Variants in NLGN1 observed in about 807,000 individuals in gnomAD.
The protein encoded by NLGN1 is neuroligin-1.
NLGN1 carries 12 observed loss-of-function variants against 65.5 expected under a neutral mutation model. That is an observed-to-expected ratio of 0.18 (90% CI 0.12 to 0.30). NLGN1 has a LOEUF of 0.30. Ranked by LOEUF, NLGN1 falls within the 10% of genes least tolerant of loss-of-function variation. The probability of loss-of-function intolerance (pLI) is 1.00; values close to 1 mark genes in which losing one functional copy is unlikely to be tolerated. For synonymous variants in NLGN1, 350 were observed against 359.5 expected (o/e 0.97, Z 0.30); for missense variants, 750 against 1,007.1 (o/e 0.74, Z 3.46).
At chr3:174,166,537 C>T in intron 4 of NLGN1, among the ~76,000 whole-genome samples, 1 of 152,122 alleles carries the variant, frequency 6.6e-6, no homozygotes, top group East Asian at 1.9e-4. Context: ...TCACCATGGT[C>T]CAAGAGTGTG....
chr3:173,787,151 A>G (rs922084001), intron 3 of NLGN1, among the ~76,000 whole-genome samples: 8 of 152,160 alleles, frequency 5.3e-5, no homozygotes, highest in African/African-American at 1.4e-4. Context: ...GTAATTCACC[A>G]TCGAGTACTC....
intron 3 of NLGN1, among the ~76,000 whole-genome samples, chr3:173,633,667 G>C (rs1186319930): frequency 6.6e-6 from 1 of 152,102 alleles, no homozygotes; most frequent in Non-Finnish European, 1.5e-5. Context: ...GAGAAGGTAG[G>C]CCAGCCCTTT....
At chr3:173,911,773 G>A (rs1469217091) in intron 4 of NLGN1, among the ~76,000 whole-genome samples, 1 of 152,118 alleles carries the variant, frequency 6.6e-6, no homozygotes, top group African/African-American at 2.4e-5. Flanking sequence ...TAATAATAGT[G>A]TATCTCAAAC....
intron 4 of NLGN1, among the ~76,000 whole-genome samples, chr3:174,238,992 A>T (rs1742282886): frequency 6.6e-6 from 1 of 152,150 alleles, no homozygotes. Flanking sequence ...CTGGGAGCTC[A>T]TTAGACATCC....
At chr3:173,979,260 T>C (rs868590407) in intron 4 of NLGN1, among the ~76,000 whole-genome samples, 2 of 151,954 alleles carry the variant, frequency 1.3e-5, no homozygotes, top group African/African-American at 4.8e-5. Flanking sequence ...GAGCAATAGC[T>C]AAAGGAAAAA....
At chr3:173,778,148 A>C (rs977634464) in intron 3 of NLGN1, among the ~76,000 whole-genome samples, 1 of 151,848 alleles carries the variant, frequency 6.6e-6, no homozygotes, top group Non-Finnish European at 1.5e-5. Context: ...CAATTTCTTT[A>C]GTGTCTGTTT....
At chr3:174,139,495 C>T (rs1467421518) in intron 4 of NLGN1, among the ~76,000 whole-genome samples, 2 of 151,876 alleles carry the variant, frequency 1.3e-5, no homozygotes, top group Non-Finnish European at 2.9e-5. Context: ...GGATGCATCA[C>T]AGTTGATTTA....
chr3:174,157,727 A>C (rs564238981), intron 4 of NLGN1, among the ~76,000 whole-genome samples: 1 of 151,884 alleles, frequency 6.6e-6, no homozygotes, highest in South Asian at 2.1e-4. Flanking sequence ...TCTTGATCAT[A>C]TTTTCAGTGA....
At chr3:173,488,530 A>C (rs768137373) in intron 2 of NLGN1, among the ~76,000 whole-genome samples, 14 of 152,034 alleles carry the variant, frequency 9.2e-5, no homozygotes, top group Non-Finnish European at 1.6e-4. Flanking sequence ...TCTTAGTTTT[A>C]AATTATGGTT....
downstream of NLGN1, among the ~76,000 whole-genome samples, chr3:174,289,238 C>T (rs1010058486): frequency 6.6e-6 from 1 of 151,360 alleles, no homozygotes; most frequent in Admixed American, 6.6e-5. Context: ...AACAAACTCC[C>T]ACATACCACC....
At chr3:173,724,636 G>A (rs1771454596) in intron 3 of NLGN1, among the ~76,000 whole-genome samples, 1 of 152,134 alleles carries the variant, frequency 6.6e-6, no homozygotes, top group African/African-American at 2.4e-5. Context: ...GATTCCTCAA[G>A]GATCTAGAGC....
At chr3:173,736,661 A>G (rs1192407979) in intron 3 of NLGN1, among the ~76,000 whole-genome samples, 5 of 151,980 alleles carry the variant, frequency 3.3e-5, no homozygotes, top group African/African-American at 1.2e-4. Flanking sequence ...GATAAAAAAA[A>G]AATAATTTTG....
At chr3:173,660,843 T>G (rs1286252532) in intron 3 of NLGN1, among the ~76,000 whole-genome samples, 1 of 151,994 alleles carries the variant, frequency 6.6e-6, no homozygotes, top group African/African-American at 2.4e-5. Flanking sequence ...ACCCATCCTC[T>G]TCACATTATA....
At chr3:174,147,289 G>A (rs544823239) in intron 4 of NLGN1, among the ~76,000 whole-genome samples, 4 of 152,138 alleles carry the variant, frequency 2.6e-5, no homozygotes, top group East Asian at 3.9e-4. Flanking sequence ...GAGTCAGAGC[G>A]CACGGGCCCC....
intron 2 of NLGN1, among the ~76,000 whole-genome samples, chr3:173,518,064 T>G (rs1482388332): frequency 1.3e-5 from 2 of 152,182 alleles, no homozygotes. Context: ...TTGAAAGGTT[T>G]TACTAAGTTG....
chr3:174,214,199 C>T (rs1288828277), intron 4 of NLGN1, among the ~76,000 whole-genome samples: 13 of 152,064 alleles, frequency 8.5e-5, no homozygotes, highest in Admixed American at 8.5e-4. Context: ...CAGAGAGTAT[C>T]AGAAATGAAA....
chr3:173,509,371 T>A (rs565104570), intron 2 of NLGN1, among the ~76,000 whole-genome samples: 9 of 152,316 alleles, frequency 5.9e-5, no homozygotes, highest in African/African-American at 2.2e-4. Flanking sequence ...GATTTGTTTT[T>A]ATTTTTTCAA....
At chr3:173,489,461 C>T (rs1269386836) in intron 2 of NLGN1, among the ~76,000 whole-genome samples, 2 of 152,172 alleles carry the variant, frequency 1.3e-5, no homozygotes, top group Admixed American at 6.5e-5. Context: ...ATATGTGCCA[C>T]ATTTTCTTAA....
chr3:173,991,475 T>G (rs768144110), intron 4 of NLGN1, among the ~76,000 whole-genome samples: 4 of 152,178 alleles, frequency 2.6e-5, no homozygotes, highest in Non-Finnish European at 4.4e-5. Flanking sequence ...GAAAGAAATG[T>G]TCTATATCTT....
Sources: allele counts gnomAD v4.1 joint callset (sites outside exome capture counted in the v4.1 genomes callset), GRCh38; gene constraint gnomAD v4.1.1; transcripts MANE v1.5; gene names NCBI Gene and HGNC (gene_info 2026-07-23, HGNC 2026-07-21).